SZT2: variants seen among roughly 807,000 people sequenced by gnomAD.
The protein encoded by SZT2 is KICSTOR complex protein SZT2.
Under a neutral mutation model 404.2 loss-of-function variants are expected in SZT2, and 216 were observed. The ratio of observed to expected loss-of-function variants is 0.53; its 90% CI spans 0.48 to 0.60. SZT2 has a LOEUF of 0.60. Among genes scored for constraint, SZT2 ranks in the 20% least tolerant of loss-of-function variants. SZT2 has a pLI of 0.00. For missense variants in SZT2, 3,857 were observed against 4,459.2 expected, an observed-to-expected ratio of 0.86 and a Z score of 3.85; for synonymous variants, 1,693 against 1,749.9, an observed-to-expected ratio of 0.97 and a Z score of 0.81.
Position 43,439,517 on chromosome 1 carries a change from AT to A in SZT2, c.6877+78del. Reference sequence around the variant, plus strand: ...TTTGTCATCCTATTGCTAAGAGGACATTTCCCAGGCTTGCAGCTGAGTGGAG... The same window carrying A: ...TTTGTCATCCTATTGCTAAGAGGACATTCCCAGGCTTGCAGCTGAGTGGAG... On this transcript the variant is annotated intron_variant, in intron 49 of 71. Transcript: ENST00000634258. This position sits in a 1 kb window ranked among gnomAD's most constrained non-coding sequence, Gnocchi z 4.2. 6.2e-7 allele frequency: 1 copy of A among 1,600,708 alleles called. No individual in the cohort carries two copies. The highest frequency in any genetic ancestry group is 2.2e-5 in the East Asian group (1 of 44,744).
chr1:43,454,040 C>G lies in SZT2; in HGVS notation c.*3560C>G, dbSNP rs1656767828. 1.7e-6 allele frequency: 2 copies of G among 1,152,222 alleles called. No individual in the cohort carries two copies. The highest frequency in any genetic ancestry group is 2.1e-6 in the Non-Finnish European group (2 of 937,914). The allele number at this position is 1,152,222 out of a possible 1,614,324, so 71.4% of individuals were successfully genotyped here. A position where few individuals can be genotyped will look rare whatever the true frequency, so the allele number is the denominator to read the frequency against. ...GGGCGGCCGGAAAAGGAGCAGGACC[C>G]GCGCCTGGAGAAGGTAGGGAGGCCG... On this transcript the variant is annotated 3_prime_UTR_variant, in exon 72 of 72. Transcript: ENST00000634258.
Position 43,453,597 on chromosome 1 carries a change from G to C in SZT2, c.*3117G>C, listed in dbSNP as rs1199633195. On this transcript the variant is annotated 3_prime_UTR_variant, in exon 72 of 72. Coordinates refer to ENST00000634258, the MANE Select transcript of SZT2 (RefSeq NM_001365999.1). The stretch of plus-strand genomic sequence containing the variant: ...AGCCCTCCCGGCCCGCGACGCACCC[G>C]GGGGCGTGTTGATCAGTACAAGCCG... 19 of 1,493,094 alleles carry C rather than the reference G, an allele frequency of 1.3e-5. No individual in the cohort carries two copies. The highest frequency in any genetic ancestry group is 7.5e-5 in the South Asian group (6 of 80,308). The allele number at this position is 1,493,094 out of a possible 1,614,324, so 92.5% of individuals were successfully genotyped here.
chr1:43,404,123 C>T (rs956439504), intron 3 of SZT2: 3 of 524,728 alleles, frequency 5.7e-6, no homozygotes, highest in African/African-American at 5.7e-5. Context: ...GGGAGGATTG[C>T]TTGAGCCCAG....
In SZT2 at chr1:43,450,927, A is replaced by G; in HGVS notation, c.*447A>G. The G allele has an allele frequency of 1.3e-6, 1 of 753,996 alleles. No individual in the cohort carries two copies. The highest frequency in any genetic ancestry group is 2.4e-6 in the Non-Finnish European group (1 of 411,236). The allele number at this position is 753,996 out of a possible 1,614,324, so 46.7% of individuals were successfully genotyped here. A position where few individuals can be genotyped will look rare whatever the true frequency, so the allele number is the denominator to read the frequency against. Reference sequence around the variant, plus strand: ...ATCACTGCTGGACATTCCCATCGAGATGACACCTGGGTTCCAATCCCAGCT... The same window carrying G: ...ATCACTGCTGGACATTCCCATCGAGGTGACACCTGGGTTCCAATCCCAGCT... On this transcript the variant is annotated 3_prime_UTR_variant, in exon 72 of 72. Coordinates refer to ENST00000634258, the MANE Select transcript of SZT2 (RefSeq NM_001365999.1). This position sits in a 1 kb window ranked among gnomAD's most constrained non-coding sequence, Gnocchi z 4.3.
intron 3 of SZT2, chr1:43,404,043 C>G: frequency 1.9e-6 from 1 of 525,166 alleles, no homozygotes. Flanking sequence ...AACTCCCTCT[C>G]TATAAAAAAT....
intron 30 of SZT2, 27 bp from the exon 31 acceptor site, chr1:43,430,284 A>C (rs769814659): frequency 1.2e-6 from 2 of 1,613,274 alleles, no homozygotes; most frequent in Non-Finnish European, 1.7e-6. Context: ...TTCTTGCCTC[A>C]TCATCTTGCT....
intron 67 of SZT2, 24 bp downstream of exon 67, chr1:43,447,722 C>T (rs1414028298): frequency 2.5e-6 from 4 of 1,611,880 alleles, no homozygotes; most frequent in Non-Finnish European, 2.5e-6. Flanking sequence ...GGGCATCCAG[C>T]ATGCACGCTG....
At position 43,431,355 on chromosome 1, in the gene SZT2, A is replaced by AC. The variant is rs1346209980; in HGVS notation, c.5012dup (p.Glu1672ArgfsTer20). On this transcript the variant is annotated frameshift_variant, in exon 34 of 72. Coordinates refer to ENST00000634258, the MANE Select transcript of SZT2 (RefSeq NM_001365999.1). LOFTEE classifies it high-confidence loss of function. ...ATGATGGCCTCGGGCCCCCACTGCC[A>AC]CCCCCAGAAGAGGAGAGGTACTTCT... 1 of 1,611,768 alleles carries AC rather than the reference A, an allele frequency of 6.2e-7. No individual in the cohort carries two copies. The highest frequency in any genetic ancestry group is 1.3e-5 in the African/African-American group (1 of 74,752).
chr1:43,418,225 A>C (rs910255857), intron 7 of SZT2, among the ~76,000 whole-genome samples: 2 of 152,174 alleles, frequency 1.3e-5, no homozygotes, highest in Non-Finnish European at 2.9e-5. Context: ...AACCAGAGGG[A>C]AGTACAGGGT....
In SZT2 at chr1:43,450,142, G is replaced by A. The variant is rs764859789; in HGVS notation, c.10126G>A (p.Val3376Met). ...GAAGTTCACTGACTGCTTTGTGCTA[G>A]TGTTTCTGGACTCCCACTTAGGAAA... The part of the protein sequence containing the change: ...NQKFTDCFVL[V>M]FLDSHLGKTS... Residue 3376 changes from valine to methionine, a missense_variant, in exon 71 of 72, where the codon GTG becomes ATG. Val to Met is a conservative substitution (Grantham distance 21). Around this residue, in one of 7 missense-constraint regions of SZT2, gnomAD observed 717 missense variants for 868.2 expected, o/e 0.83. Transcript: ENST00000634258. This position sits in a 1 kb window ranked among gnomAD's most constrained non-coding sequence, Gnocchi z 4.3. The A allele has an allele frequency of 4.3e-6, 7 of 1,614,132 alleles. No individual in the cohort carries two copies. Among genetic ancestry groups the A allele is most frequent in the Non-Finnish European group, 5.9e-6 (7 of 1,179,992 alleles).
chr1:43,415,877 G>A (rs1220037867), intron 5 of SZT2, 83 bp from the exon 6 acceptor site: 2 of 1,478,554 alleles, frequency 1.4e-6, no homozygotes, highest in South Asian at 1.3e-5. Flanking sequence ...CCTGAGAAGT[G>A]CTGGGCTATA....
Position 43,425,563 on chromosome 1 carries a change from C to G in SZT2, c.2735C>G (p.Pro912Arg). 6.2e-7 allele frequency: 1 copy of G among 1,614,168 alleles called. No individual in the cohort carries two copies. Among genetic ancestry groups the G allele is most frequent in the Non-Finnish European group, 8.5e-7 (1 of 1,180,032 alleles). Residue 912 changes from proline to arginine, a missense_variant, in exon 19 of 72, where the codon CCA becomes CGA. Transcript: ENST00000634258. The surrounding 1 kb of genome is among the most constrained non-coding windows in gnomAD (Gnocchi z 4.3). ...LNLVTEVWVE[P>R]QYGRVGPGPG... ...CTGGTCACTGAGGTGTGGGTGGAGC[C>G]ACAGTATGGGCGAGTGGGACCTGGC... is the stretch of plus-strand genomic sequence containing the variant.
At chr1:43,398,925 C>CA (rs1189308841) in intron 1 of SZT2, among the ~76,000 whole-genome samples, 4 of 151,930 alleles carry the variant, frequency 2.6e-5, no homozygotes, top group Non-Finnish European at 5.9e-5. Flanking sequence ...ATTAAAAATA[C>CA]AAAAAATAGC....
At chr1:43,409,424 T>C in intron 4 of SZT2, 1 of 356,690 alleles carries the variant, frequency 2.8e-6, no homozygotes, top group Non-Finnish European at 5.4e-6. Context: ...CTACCTAGAA[T>C]AGTCAGACAA....
chr1:43,444,136 G>A (rs539382499), intron 62 of SZT2, among the ~76,000 whole-genome samples: 41 of 152,240 alleles, frequency 2.7e-4, no homozygotes, highest in African/African-American at 9.9e-4. Flanking sequence ...TCACTGTGTC[G>A]CCTAGGCTGG....
chr1:43,438,199 G>T (rs1316783923), intron 46 of SZT2: 2 of 400,772 alleles, frequency 5.0e-6, no homozygotes, highest in Non-Finnish European at 9.3e-6. Flanking sequence ...TCAGGGTTAG[G>T]ACTGCAGTTG....
Position 43,428,688 on chromosome 1 carries a change from C to A in SZT2, c.4166+202C>A. The A allele has an allele frequency of 4.7e-6, 3 of 635,812 alleles. No individual in the cohort carries two copies. In the South Asian group the frequency reaches 6.0e-5, roughly 13 times the overall value. 39.4% of individuals were successfully genotyped at this position (635,812 alleles called of 1,614,324 possible). ...GGCAGCAGTCTCCCTCCCAGGCTCT[C>A]CCCATCTCCCCTGCTTTGGTGTTGA... On this transcript the variant is annotated intron_variant, in intron 28 of 71. Coordinates refer to ENST00000634258, the MANE Select transcript of SZT2 (RefSeq NM_001365999.1).
At chr1:43,430,853 G>A in intron 32 of SZT2, 64 bp downstream of exon 32, 1 of 1,583,328 alleles carries the variant, frequency 6.3e-7, no homozygotes, top group Middle Eastern at 1.7e-4. Flanking sequence ...AGTGGGAGTG[G>A]AGGGGAGCCT....
chr1:43,391,562 T>C (rs910291415), intron 1 of SZT2, among the ~76,000 whole-genome samples: 6 of 152,202 alleles, frequency 3.9e-5, no homozygotes, highest in Non-Finnish European at 8.8e-5. Flanking sequence ...GTAGAATAGC[T>C]CATGCATCAG....
Sources: gnomAD v4.1 joint callset for allele counts (sites outside exome capture counted in the v4.1 genomes callset) on GRCh38, gnomAD v4.1.1 for gene constraint, gnomAD v4.1.1 regional missense constraint, Gnocchi (gnomAD v3.1) non-coding constraint, MANE v1.5 for transcripts, NCBI Gene and HGNC (gene_info 2026-07-23, HGNC 2026-07-21) for gene names.